Variants in RPS6KC1 observed in about 807,000 individuals in gnomAD.
RPS6KC1 encodes inactive ribosomal protein S6 kinase delta-1.
A neutral mutation model predicts 103.8 loss-of-function variants in RPS6KC1; 54 were observed. The observed-to-expected ratio is 0.52, with a 90% CI of 0.42 to 0.65. The LOEUF is 0.65. RPS6KC1 is among the 30% of genes least tolerant of loss of function. The pLI is 0.00. For synonymous variants in RPS6KC1, 439 were observed against 438.7 expected, an observed-to-expected ratio of 1.00 and a Z score of -0.01; for missense variants, 1,151 against 1,253.8, an observed-to-expected ratio of 0.92 and a Z score of 1.24.
At chr1:213,134,564 A>AT (rs2086039419) in intron 6 of RPS6KC1, among the ~76,000 whole-genome samples, 1 of 152,038 alleles carries the variant, frequency 6.6e-6, no homozygotes, top group Admixed American at 6.6e-5. Flanking sequence ...GTACCAAACC[A>AT]TTTTTTATAG....
chr1:213,449,086 T>C, the RPS6KC1 span, among the ~76,000 whole-genome samples: 1 of 152,150 alleles, frequency 6.6e-6, no homozygotes, highest in Non-Finnish European at 1.5e-5. Context: ...ATCTTTGCTG[T>C]GTGGCTTGAA....
At position 213,212,535 on chromosome 1, in the gene RPS6KC1, A is replaced by G. The variant is rs556551944; in HGVS notation, c.1045-17962A>G. 3.3e-5 allele frequency among the ~76,000 whole-genome samples: 5 copies of G among 152,318 alleles called. No individual in the cohort carries two copies. The East Asian group carries it at 5.8e-4, about 18-fold the overall frequency. On this transcript the variant is annotated intron_variant, in intron 8 of 14. Coordinates refer to ENST00000366960, the MANE Select transcript of RPS6KC1 (RefSeq NM_012424.6). ...TTTGGCAATTATGAATGAAGTTTCT[A>G]TAAACATCCATGTGCAGGGGTTTTT...
At chr1:213,571,936 T>C in the RPS6KC1 span, among the ~76,000 whole-genome samples, 1 of 152,232 alleles carries the variant, frequency 6.6e-6, no homozygotes, top group East Asian at 1.9e-4. Flanking sequence ...CAGAGAATGC[T>C]GATGCTGCTG....
the RPS6KC1 span, among the ~76,000 whole-genome samples, chr1:213,574,904 C>T: frequency 6.6e-6 from 1 of 152,040 alleles, no homozygotes; most frequent in African/African-American, 2.4e-5. Context: ...GAGAAGAACA[C>T]AATGGTGTCC....
the RPS6KC1 span, among the ~76,000 whole-genome samples, chr1:213,728,937 G>GTTTTGTTTTTTTTTT: frequency 1.1e-5 from 1 of 93,416 alleles, no homozygotes; most frequent in Non-Finnish European, 1.9e-5. Context: ...GAACATGAGG[G>GTTTTGTTTTTTTTTT]TTTTTTTTTT....
chr1:213,774,088 C>A, the RPS6KC1 span, among the ~76,000 whole-genome samples: 1 of 152,204 alleles, frequency 6.6e-6, no homozygotes, highest in Admixed American at 6.5e-5. Context: ...TGGACACAAA[C>A]CTCTTGGGCT....
chr1:213,429,190 G>GCCTA, the RPS6KC1 span: 1 of 147,244 alleles, frequency 6.8e-6, no homozygotes, highest in Non-Finnish European at 1.5e-5. Context: ...TTGCTCTGTT[G>GCCTA]CCTAGGCTGG....
At chr1:213,379,075 C>T in the RPS6KC1 span, among the ~76,000 whole-genome samples, 3 of 152,182 alleles carry the variant, frequency 2.0e-5, no homozygotes, top group Admixed American at 2.0e-4. Flanking sequence ...TGTTGTCTAA[C>T]TTCAGGCAAG....
chr1:213,783,401 A>T, the RPS6KC1 span, among the ~76,000 whole-genome samples: 10 of 152,266 alleles, frequency 6.6e-5, no homozygotes, highest in Admixed American at 3.9e-4. Flanking sequence ...TACAAGCCGA[A>T]CCCTCTGCTG....
the RPS6KC1 span, among the ~76,000 whole-genome samples, chr1:213,504,169 GA>G: frequency 1.3e-5 from 2 of 152,024 alleles, no homozygotes; most frequent in Non-Finnish European, 1.5e-5. Flanking sequence ...TTTGAACATA[GA>G]AAAATATAAA....
chr1:213,134,989 C>G (rs2086108809), intron 6 of RPS6KC1, among the ~76,000 whole-genome samples: 1 of 152,114 alleles, frequency 6.6e-6, no homozygotes, highest in Admixed American at 6.6e-5. Context: ...AGCAGACATT[C>G]TTGTCTTGTT....
At chr1:213,610,931 A>G in the RPS6KC1 span, among the ~76,000 whole-genome samples, 5 of 152,196 alleles carry the variant, frequency 3.3e-5, 1 homozygote, top group Middle Eastern at 6.3e-3. Flanking sequence ...CATAGACTCA[A>G]GTGACATCCA....
chr1:213,845,254 G>A, the RPS6KC1 span, among the ~76,000 whole-genome samples: 19 of 152,248 alleles, frequency 1.2e-4, no homozygotes, highest in South Asian at 3.7e-3. Context: ...TAACAAGTTT[G>A]AATCTTCCCC....
chr1:213,178,107 C>G (rs1434891698), intron 8 of RPS6KC1, among the ~76,000 whole-genome samples: 2 of 151,232 alleles, frequency 1.3e-5, no homozygotes, highest in African/African-American at 4.9e-5. Context: ...ATCCCCTGAG[C>G]CTGGGGAGTT....
At chr1:213,096,994 ATAAT>A (rs1274969275) in intron 3 of RPS6KC1, among the ~76,000 whole-genome samples, 1 of 152,210 alleles carries the variant, frequency 6.6e-6, no homozygotes, top group African/African-American at 2.4e-5. Flanking sequence ...GCATGAAAAC[ATAAT>A]TAATCTCCTT....
intron 8 of RPS6KC1, among the ~76,000 whole-genome samples, chr1:213,202,611 TCAAAAA>T (rs2093204709): frequency 6.6e-6 from 1 of 151,842 alleles, no homozygotes; most frequent in Non-Finnish European, 1.5e-5. Context: ...AGACTCAGTC[TCAAAAA>T]CAAAAAACAA....
intron 8 of RPS6KC1, among the ~76,000 whole-genome samples, chr1:213,206,534 G>GA (rs1462780048): frequency 6.6e-6 from 1 of 152,102 alleles, no homozygotes; most frequent in Non-Finnish European, 1.5e-5. Flanking sequence ...AAAAAAGCAT[G>GA]AAAAAAGACA....
the RPS6KC1 span, among the ~76,000 whole-genome samples, chr1:213,724,552 G>A: frequency 3.4e-4 from 51 of 152,096 alleles, no homozygotes; most frequent in Admixed American, 1.9e-3. Context: ...ACACTCCAAG[G>A]CATTCACCCG....
At chr1:213,828,428 A>C in the RPS6KC1 span, among the ~76,000 whole-genome samples, 1 of 152,230 alleles carries the variant, frequency 6.6e-6, no homozygotes, top group South Asian at 2.1e-4. Flanking sequence ...TATCTCATAT[A>C]GCAAGAATAC....
Sources: gnomAD v4.1 joint callset for allele counts (sites outside exome capture counted in the v4.1 genomes callset) on GRCh38, gnomAD v4.1.1 for gene constraint, MANE v1.5 for transcripts, NCBI Gene and HGNC (gene_info 2026-07-23, HGNC 2026-07-21) for gene names.